The following DLG2 variants were observed in gnomAD, a reference collection of about 807,000 sequenced individuals.
DLG2 encodes the protein discs large MAGUK scaffold protein 2.
A neutral mutation model predicts 132.5 loss-of-function variants in DLG2; 45 were observed. The ratio of observed to expected loss-of-function variants is 0.34; its 90% CI spans 0.27 to 0.44. DLG2 has a LOEUF of 0.44. Among genes scored for constraint, DLG2 ranks in the 20% least tolerant of loss-of-function variants. The pLI is 1.00. For missense variants in DLG2, 1,045 were observed against 1,196.9 expected (o/e 0.87, Z 1.87); for synonymous variants, 424 against 419.6 (o/e 1.01, Z -0.13).
chr11:84,439,038 A>G (rs2099009690), intron 7 of DLG2, among the ~76,000 whole-genome samples: 1 of 152,206 alleles, frequency 6.6e-6, no homozygotes, highest in African/African-American at 2.4e-5. Flanking sequence ...AGGCAATTGG[A>G]GGTAGAACAA....
chr11:83,484,100 T>C lies in DLG2; in HGVS notation c.2293+29A>G, dbSNP rs369352154. 1.4e-5 allele frequency: 22 copies of C among 1,581,414 alleles called. No homozygotes were observed. The African/African-American group carries it at 3.0e-4, about 21-fold the overall frequency. On this transcript the variant is annotated intron_variant, in intron 22 of 27. Transcript: ENST00000376104. ...TGAATTTTTTTTCTCTTATGTTGCA[T>C]GTGACATTATCTTTCAGAATCTACT...
intron 7 of DLG2, among the ~76,000 whole-genome samples, chr11:84,440,527 G>C (rs1431381279): frequency 1.3e-5 from 2 of 152,154 alleles, no homozygotes; most frequent in Non-Finnish European, 2.9e-5. Context: ...AAAGGTGGCA[G>C]CTTCCTACAG....
intron 6 of DLG2, among the ~76,000 whole-genome samples, chr11:84,629,404 G>A (rs555934662): frequency 1.3e-5 from 2 of 152,280 alleles, no homozygotes; most frequent in South Asian, 2.1e-4. Context: ...GAGTAGCTGT[G>A]GAAATGCTGG....
intron 20 of DLG2, among the ~76,000 whole-genome samples, chr11:83,541,396 G>A (rs774619710): frequency 6.6e-6 from 1 of 152,188 alleles, no homozygotes; most frequent in African/African-American, 2.4e-5. Context: ...ATAAGCACAA[G>A]TTTGCACATG....
In DLG2 at chr11:84,074,454, A is replaced by C. The variant is rs1046318872; in HGVS notation, c.750-14970T>G. 1.3e-4 allele frequency among the ~76,000 whole-genome samples: 20 copies of C among 151,388 alleles called. 1 individual carries two copies. Among genetic ancestry groups the C allele is most frequent in the Admixed American group, 4.6e-4 (7 of 15,176 alleles). ...GCCCAAGCCACTACCAACCACTTCT[A>C]CCCAAACATGTTGGCTCACGGGTTC... On this transcript the variant is annotated intron_variant, in intron 10 of 27. Transcript: ENST00000376104.
intron 6 of DLG2, among the ~76,000 whole-genome samples, chr11:85,018,975 A>G (rs2059805134): frequency 6.6e-6 from 1 of 152,168 alleles, no homozygotes; most frequent in Admixed American, 6.6e-5. Flanking sequence ...TCACAGAAAT[A>G]CATTGTAACA....
intron 17 of DLG2, among the ~76,000 whole-genome samples, chr11:83,823,644 G>A (rs192876728): frequency 6.9e-6 from 1 of 144,356 alleles, no homozygotes; most frequent in Admixed American, 6.7e-5. Context: ...GGGCAAAGAT[G>A]AGTCATTCAT....
At chr11:84,824,753 G>A (rs2078124049) in intron 6 of DLG2, among the ~76,000 whole-genome samples, 1 of 151,850 alleles carries the variant, frequency 6.6e-6, no homozygotes, top group South Asian at 2.1e-4. Flanking sequence ...GCTGTGTATG[G>A]TCATAGGCAA....
intron 6 of DLG2, among the ~76,000 whole-genome samples, chr11:84,723,142 T>C (rs144721127): frequency 6.6e-6 from 1 of 152,280 alleles, no homozygotes; most frequent in African/African-American, 2.4e-5. Context: ...ACATTTCCCT[T>C]ATTCATTAGC....
chr11:85,304,218 A>C (rs2079793714), intron 3 of DLG2, among the ~76,000 whole-genome samples: 1 of 152,178 alleles, frequency 6.6e-6, no homozygotes, highest in Admixed American at 6.5e-5. Context: ...GAGGTACATT[A>C]ATCAAGTTAA....
intron 7 of DLG2, among the ~76,000 whole-genome samples, chr11:84,344,763 C>G (rs1032585530): frequency 6.6e-6 from 1 of 152,184 alleles, no homozygotes; most frequent in African/African-American, 2.4e-5. Flanking sequence ...GGTTATTACT[C>G]AAGTTACCAA....
intron 3 of DLG2, among the ~76,000 whole-genome samples, chr11:85,410,665 C>T (rs556111654): frequency 6.6e-6 from 1 of 151,886 alleles, no homozygotes; most frequent in African/African-American, 2.4e-5. Context: ...TAAAAATTCA[C>T]TTTGCTAAAC....
At chr11:83,857,785 G>A (rs1161067529) in intron 16 of DLG2, among the ~76,000 whole-genome samples, 1 of 151,074 alleles carries the variant, frequency 6.6e-6, no homozygotes, top group East Asian at 2.0e-4. Context: ...GTTGGGGCAG[G>A]ACACACATGA....
At chr11:83,734,604 C>T (rs1566754707) in intron 18 of DLG2, among the ~76,000 whole-genome samples, 2 of 152,052 alleles carry the variant, frequency 1.3e-5, no homozygotes, top group African/African-American at 4.8e-5. Flanking sequence ...GCACAGGCTA[C>T]AATGCCAGGC....
chr11:84,835,805 A>C lies in DLG2; in HGVS notation c.357+275856T>G, dbSNP rs187804136. 2.0e-5 allele frequency among the ~76,000 whole-genome samples: 3 copies of C among 151,970 alleles called. No homozygotes were observed. In the East Asian group the frequency reaches 5.8e-4, roughly 30 times the overall value. On this transcript the variant is annotated intron_variant, in intron 6 of 27. Coordinates refer to ENST00000376104, the MANE Select transcript of DLG2 (RefSeq NM_001142699.3). ...TTAATGCTATTTAATCAATGAATAT[A>C]GATGTAATAATAAGGAGATTATGTA...
chr11:85,169,866 T>C (rs1484011455), intron 4 of DLG2, among the ~76,000 whole-genome samples: 1 of 152,296 alleles, frequency 6.6e-6, no homozygotes, highest in African/African-American at 2.4e-5. Context: ...GGCCTTCTAA[T>C]TTCCTTTAAT....
At chr11:85,583,128 GTGTATATATATATA>G (rs1187043439) in intron 3 of DLG2, among the ~76,000 whole-genome samples, 35 of 27,424 alleles carry the variant, frequency 1.3e-3, no homozygotes, top group African/African-American at 2.4e-3. Context: ...GTGTGTGTGT[GTGTATATATATATA>G]TATATATATA....
chr11:84,393,669 T>C (rs1200019537), intron 7 of DLG2, among the ~76,000 whole-genome samples: 2 of 151,680 alleles, frequency 1.3e-5, no homozygotes, highest in African/African-American at 4.9e-5. Flanking sequence ...TTGCTCTTAA[T>C]TTGCCCAAAC....
intron 18 of DLG2, among the ~76,000 whole-genome samples, chr11:83,733,722 C>G (rs1237170166): frequency 1.3e-5 from 2 of 152,208 alleles, no homozygotes; most frequent in African/African-American, 4.8e-5. Flanking sequence ...CAAATCCCTT[C>G]ATCTAAGAAA....
Sources: gnomAD v4.1 joint callset for allele counts (sites outside exome capture counted in the v4.1 genomes callset) on GRCh38, gnomAD v4.1.1 for gene constraint, MANE v1.5 for transcripts, NCBI Gene and HGNC (gene_info 2026-07-23, HGNC 2026-07-21) for gene names.